Variants in P3H2 observed in about 807,000 individuals in gnomAD.
The protein encoded by P3H2 is leprecan-like 1.
P3H2 carries 80 observed loss-of-function variants against 87.0 expected under a neutral mutation model. That is an observed-to-expected ratio of 0.92 (90% CI 0.77 to 1.11). The LOEUF (loss-of-function observed/expected upper bound fraction) is 1.11, where lower values mean the gene tolerates loss of function less well. Among genes scored for constraint, P3H2 ranks in the 50% least tolerant of loss-of-function variants. The pLI is 0.00. For missense variants in P3H2, 1,001 were observed against 923.9 expected (o/e 1.08, Z -1.08); for synonymous variants, 367 against 359.3 (o/e 1.02, Z -0.24).
rs200731219 is a variant in P3H2 at position 190,120,347 on chromosome 3, C to A, written c.385G>T (p.Gly129Trp). ...CYRSCETQRL[G>W]GPASRHRVSE... ...ACGCGGTGGCGGGATGCGGGGCCCC[C>A]GAGGCGCTGGGTCTCACAGCTGCGA... Residue 129 changes from glycine to tryptophan, a missense_variant, in exon 1 of 15, where the codon GGG (glycine) becomes TGG (tryptophan). Gly to Trp is a radical substitution (Grantham distance 184). Coordinates refer to ENST00000319332, the MANE Select transcript of P3H2 (RefSeq NM_018192.4). The A allele has an allele frequency of 2.1e-4, 337 of 1,582,124 alleles. 2 individuals carry two copies. The Middle Eastern group carries it at 2.5e-3, about 12-fold the overall frequency.
chr3:190,112,333 G>A (rs1161001932), intron 1 of P3H2, among the ~76,000 whole-genome samples: 2 of 152,210 alleles, frequency 1.3e-5, no homozygotes, highest in Non-Finnish European at 2.9e-5. Context: ...GACGGGCAGT[G>A]GCAGAAAGAT....
chr3:190,085,832 G>A (rs2108982361), intron 1 of P3H2, among the ~76,000 whole-genome samples: 1 of 151,682 alleles, frequency 6.6e-6, no homozygotes, highest in African/African-American at 2.4e-5. Flanking sequence ...ACCTTAGTTG[G>A]GTCTCAAACC....
chr3:189,991,515 A>G (rs1486982833), intron 3 of P3H2, among the ~76,000 whole-genome samples: 1 of 152,220 alleles, frequency 6.6e-6, no homozygotes, highest in Non-Finnish European at 1.5e-5. Context: ...TAATCAACCC[A>G]TTCATTTAAC....
intron 1 of P3H2, among the ~76,000 whole-genome samples, chr3:190,065,454 T>A (rs1040837343): frequency 5.3e-5 from 8 of 152,280 alleles, no homozygotes; most frequent in Admixed American, 4.6e-4. Context: ...GAACTTTATA[T>A]GAGAAATAAA....
In P3H2 at chr3:190,120,895, G is replaced by A. The variant is rs1395274702; in HGVS notation, c.-164C>T. 4 of 1,155,212 alleles carry A rather than the reference G, an allele frequency of 3.5e-6. No individual in the cohort carries two copies. The East Asian group carries it at 9.2e-5, about 27-fold the overall frequency. 71.6% of individuals were successfully genotyped at this position (1,155,212 alleles called of 1,614,324 possible). On this transcript the variant is annotated 5_prime_UTR_variant, in exon 1 of 15. Transcript: ENST00000319332. ...ACCGCCGGCGCTCCGCGTACTGAGA[G>A]GCGGAGGCCGTGCCTGGCCAGCCGC...
intron 1 of P3H2, among the ~76,000 whole-genome samples, chr3:190,041,020 C>CTATATATATATATATATATATA (rs71635315): frequency 9.5e-5 from 5 of 52,664 alleles, no homozygotes; most frequent in Middle Eastern, 9.6e-3. Context: ...CATGGCTCTA[C>CTATATATATATATATATATATA]TATATATATA....
Position 190,041,035 on chromosome 3 carries a change from TATACACACACACACACACACAC to T in P3H2, c.481-45615_481-45594del, listed in dbSNP as rs1399497204. Reference sequence around the variant, plus strand: ...CATGGCTCTACTATATATATATATATATACACACACACACACACACACACACACACACACACACACACACACT... The same window carrying T: ...CATGGCTCTACTATATATATATATATACACACACACACACACACACACACT... On this transcript the variant is annotated intron_variant, in intron 1 of 14. Transcript: ENST00000319332. Among the ~76,000 whole-genome samples, 6 of 39,790 alleles carry T rather than the reference TATACACACACACACACACACAC, an allele frequency of 1.5e-4. 1 individual carries two copies. Among genetic ancestry groups the T allele is most frequent in the African/African-American group, 8.2e-4 (6 of 7,346 alleles). The allele number at this position is 39,790 out of a possible 152,430, so 26.1% of individuals were successfully genotyped here. A position where few individuals can be genotyped will look rare whatever the true frequency, so the allele number is the denominator to read the frequency against.
At chr3:190,042,033 C>G (rs1725653923) in intron 1 of P3H2, among the ~76,000 whole-genome samples, 1 of 152,184 alleles carries the variant, frequency 6.6e-6, no homozygotes, top group Non-Finnish European at 1.5e-5. Context: ...AGTGCCTAAA[C>G]CAATGGCTTT....
At chr3:190,070,754 C>T (rs1001054891) in intron 1 of P3H2, among the ~76,000 whole-genome samples, 2 of 152,182 alleles carry the variant, frequency 1.3e-5, no homozygotes, top group Admixed American at 1.3e-4. Context: ...CTGCCTGAAA[C>T]GGGAATTTCC....
intron 1 of P3H2, among the ~76,000 whole-genome samples, chr3:190,093,019 C>T (rs1482046425): frequency 6.6e-6 from 1 of 152,148 alleles, no homozygotes; most frequent in Non-Finnish European, 1.5e-5. Flanking sequence ...AATTCACCAC[C>T]CAAAATTCCT....
chr3:189,960,715 T>C (rs1722784958), intron 14 of P3H2, among the ~76,000 whole-genome samples: 3 of 152,230 alleles, frequency 2.0e-5, no homozygotes. Flanking sequence ...CCTACTAGTG[T>C]GCATTCCCCA....
intron 1 of P3H2, among the ~76,000 whole-genome samples, chr3:190,003,226 A>T (rs1046165161): frequency 6.6e-6 from 1 of 152,190 alleles, no homozygotes; most frequent in Non-Finnish European, 1.5e-5. Context: ...GATTCTGATT[A>T]ATAGACTCCT....
intron 3 of P3H2, among the ~76,000 whole-genome samples, chr3:189,990,974 T>C (rs1426914165): frequency 6.6e-6 from 1 of 152,200 alleles, no homozygotes; most frequent in Non-Finnish European, 1.5e-5. Context: ...ATCTAGGACA[T>C]TGGCCAAAAC....
intron 1 of P3H2, among the ~76,000 whole-genome samples, chr3:190,094,640 G>C (rs1486029996): frequency 6.6e-6 from 1 of 152,200 alleles, no homozygotes; most frequent in African/African-American, 2.4e-5. Flanking sequence ...CAACAACAGT[G>C]GGGTACTGGG....
Position 190,041,987 on chromosome 3 carries a change from G to A in P3H2, c.481-46545C>T, listed in dbSNP as rs12489200. On this transcript the variant is annotated intron_variant, in intron 1 of 14. Transcript: ENST00000319332. Reference sequence around the variant, plus strand: ...TATGCATGGAAAACACATTCCCCACGGGGCAATTCTTTATTCTTAATGATT... The same window carrying A: ...TATGCATGGAAAACACATTCCCCACAGGGCAATTCTTTATTCTTAATGATT... Among the ~76,000 whole-genome samples the A allele has an allele frequency of 9.2e-3, 1,402 of 152,160 alleles. 24 individuals carry two copies. The highest frequency in any genetic ancestry group is 0.045 in the Admixed American group (683 of 15,286).
At chr3:190,002,663 T>A (rs1190605824) in intron 1 of P3H2, among the ~76,000 whole-genome samples, 2 of 152,164 alleles carry the variant, frequency 1.3e-5, no homozygotes, top group Admixed American at 1.3e-4. Flanking sequence ...CCTACCAAAG[T>A]GCTGGGATTA....
chr3:190,099,095 AC>A (rs1355390005), intron 1 of P3H2, among the ~76,000 whole-genome samples: 1 of 152,184 alleles, frequency 6.6e-6, no homozygotes, highest in Non-Finnish European at 1.5e-5. Flanking sequence ...AAGAATAATA[AC>A]AAATACTAGA....
At chr3:190,075,117 T>A (rs1726824676) in intron 1 of P3H2, among the ~76,000 whole-genome samples, 1 of 152,228 alleles carries the variant, frequency 6.6e-6, no homozygotes, top group Non-Finnish European at 1.5e-5. Context: ...AGAGATCCTG[T>A]TCTCAAGGAG....
intron 1 of P3H2, among the ~76,000 whole-genome samples, chr3:190,065,604 T>C (rs1726470775): frequency 6.6e-6 from 1 of 152,164 alleles, no homozygotes; most frequent in Admixed American, 6.5e-5. Context: ...CTCTCTCTAG[T>C]CAAAGTCTTA....
Sources: allele counts gnomAD v4.1 joint callset (sites outside exome capture counted in the v4.1 genomes callset), GRCh38; gene constraint gnomAD v4.1.1; transcripts MANE v1.5; gene names NCBI Gene and HGNC (gene_info 2026-07-23, HGNC 2026-07-21).